DYNC1H1: variants seen among roughly 807,000 people sequenced by gnomAD.
DYNC1H1 encodes the protein cytoplasmic dynein 1 heavy chain 1.
In DYNC1H1, 51 loss-of-function variants were observed where a neutral mutation model predicts 527.1. The observed-to-expected ratio is 0.10, with a 90% CI of 0.08 to 0.12. DYNC1H1 has a LOEUF of 0.12. Ranked by LOEUF, DYNC1H1 falls within the 10% of genes least tolerant of loss-of-function variation. The pLI, the probability that DYNC1H1 is intolerant of heterozygous loss-of-function variation, is 1.00. For missense variants in DYNC1H1, 2,771 were observed against 5,971.8 expected, an observed-to-expected ratio of 0.46 and a Z score of 17.66; for synonymous variants, 2,189 against 2,278.8, an observed-to-expected ratio of 0.96 and a Z score of 1.12.
At position 102,002,451 on chromosome 14, in the gene DYNC1H1, C is replaced by A. The variant is rs74245764; in HGVS notation, c.4543-86C>A. On this transcript the variant is annotated intron_variant, in intron 21 of 77. Transcript: ENST00000360184. This position sits in a 1 kb window ranked among gnomAD's most constrained non-coding sequence, Gnocchi z 4.4. ...TGTGAATCAGATTACTTCATGAGAT[C>A]CTGATCTGCGCTTTTTCAGTGAGTT... 3.3e-4 allele frequency: 506 copies of A among 1,546,930 alleles called. 6 individuals carry two copies. In the East Asian group the frequency reaches 0.011, roughly 33 times the overall value.
At position 102,033,069 on chromosome 14, in the gene DYNC1H1, G is replaced by A. The variant is rs113879661; in HGVS notation, c.10084G>A (p.Ala3362Thr). The change falls in exon 53 of 78, where the codon GCC (alanine) becomes ACC (threonine). Residue 3362 changes from alanine to threonine, a missense_variant. Coordinates refer to ENST00000360184, the MANE Select transcript of DYNC1H1 (RefSeq NM_001376.5). The surrounding 1 kb of genome is among the most constrained non-coding windows in gnomAD (Gnocchi z 5.6). ...AATATCATTCGTCTTTTACAGTGAC[G>A]CCATAAGGGAGAAGATGAAGAAAAA... is the stretch of plus-strand genomic sequence containing the variant. ...VNFSAEEISDAIREKMKKNYM... is the reference protein window; with the variant it reads ...VNFSAEEISDTIREKMKKNYM... 8.7e-6 allele frequency: 14 copies of A among 1,613,484 alleles called. No homozygotes were observed. The highest frequency in any genetic ancestry group is 2.2e-5 in the East Asian group (1 of 44,866).
chr14:102,032,933 G>C, intron 52 of DYNC1H1, 132 bp from the exon 53 acceptor site: 1 of 901,268 alleles, frequency 1.1e-6, no homozygotes, highest in Non-Finnish European at 1.8e-6. Context: ...GGTCAGTCTA[G>C]CTCATCCCCA....
rs886306032 is a variant in DYNC1H1 at position 102,015,469 on chromosome 14, G to A, written c.7242+137G>A. The stretch of plus-strand genomic sequence containing the variant: ...CCTGCCTTGGCCTCTCAAAGTGCTG[G>A]GATTACAGGCATGAGTCACTGTACC... On this transcript the variant is annotated intron_variant, in intron 35 of 77. Transcript: ENST00000360184. The surrounding 1 kb of genome is among the most constrained non-coding windows in gnomAD (Gnocchi z 6.9). 4.3e-5 allele frequency: 45 copies of A among 1,035,692 alleles called. No individual in the cohort carries two copies. The highest frequency in any genetic ancestry group is 1.1e-4 in the Admixed American group (4 of 38,024). The allele number at this position is 1,035,692 out of a possible 1,614,324, so 64.2% of individuals were successfully genotyped here. A position where few individuals can be genotyped will look rare whatever the true frequency, so the allele number is the denominator to read the frequency against.
intron 4 of DYNC1H1, 152 bp downstream of exon 4, chr14:101,980,126 C>T (rs2047846554): frequency 2.3e-6 from 3 of 1,318,588 alleles, no homozygotes; most frequent in Non-Finnish European, 3.2e-6. Context: ...CAGGACTAGC[C>T]TTGGTCTGGG....
At chr14:102,022,635 G>T in intron 42 of DYNC1H1, 116 bp from the exon 43 acceptor site, 1 of 1,447,344 alleles carries the variant, frequency 6.9e-7, no homozygotes, top group South Asian at 1.2e-5. Context: ...GAAGATGTGT[G>T]ATAAAGACTG....
chr14:102,006,269 C>A, intron 27 of DYNC1H1, 99 bp downstream of exon 27: 3 of 1,547,350 alleles, frequency 1.9e-6, no homozygotes, highest in Non-Finnish European at 1.7e-6. Context: ...GATGGAGTGT[C>A]TGTCGCCCAG....
Position 102,048,684 on chromosome 14 carries a change from G to A in DYNC1H1, c.13372+15G>A, listed in dbSNP as rs200190286. The A allele has an allele frequency of 1.3e-5, 21 of 1,611,774 alleles. No homozygotes were observed. The highest frequency in any genetic ancestry group is 4.3e-4 in the Middle Eastern group (2 of 4,656). ...GCTAGTGAAAGGTGCGTGAGAGGCC[G>A]AACTCGTGGTGTGGCTTCCGGCGGG... On this transcript the variant is annotated intron_variant, in intron 74 of 77. Coordinates refer to ENST00000360184, the MANE Select transcript of DYNC1H1 (RefSeq NM_001376.5).
rs772070566 is a variant in DYNC1H1, at chr14:101,964,852, C to A, written c.161C>A (p.Ala54Glu). ...GGCGAGGCGCCGGCCGCGCTGGAGG[C>A]GGCGCTGGAGGAGAAGAGCGCCCTG... is the stretch of plus-strand genomic sequence containing the variant. ...DGGEAPAALE[A>E]ALEEKSALEQ... Residue 54 changes from alanine to glutamate, a missense_variant, in exon 1 of 78, where the codon GCG (alanine) becomes GAG (glutamate). Around this residue, in one of 32 missense-constraint regions of DYNC1H1, gnomAD observed 101 missense variants for 105.3 expected, o/e 0.96. Coordinates refer to ENST00000360184, the MANE Select transcript of DYNC1H1 (RefSeq NM_001376.5). The surrounding 1 kb of genome is among the most constrained non-coding windows in gnomAD (Gnocchi z 5.5). 3.1e-6 allele frequency: 5 copies of A among 1,598,162 alleles called. No homozygotes were observed. The highest frequency in any genetic ancestry group is 2.2e-5 in the South Asian group (2 of 89,314).
At position 102,042,979 on chromosome 14, in the gene DYNC1H1, G is replaced by T. The variant is rs1206629613; in HGVS notation, c.12513+231G>T. Reference sequence around the variant, plus strand: ...AGGTGGGAGGATCACTTGAGCCCAGGAGTTCAAGACTGTCTGGGCAGGCCA... The same window carrying T: ...AGGTGGGAGGATCACTTGAGCCCAGTAGTTCAAGACTGTCTGGGCAGGCCA... On this transcript the variant is annotated intron_variant, in intron 69 of 77. Transcript: ENST00000360184. This position sits in a 1 kb window ranked among gnomAD's most constrained non-coding sequence, Gnocchi z 5.7. 3.5e-6 allele frequency: 2 copies of T among 576,148 alleles called. No individual in the cohort carries two copies. Among genetic ancestry groups the T allele is most frequent in the South Asian group, 1.8e-5 (1 of 55,410 alleles). The allele number at this position is 576,148 out of a possible 1,614,324, so 35.7% of individuals were successfully genotyped here.
rs1414494274 is a variant in DYNC1H1 at position 102,012,812 on chromosome 14, G to T, written c.7014+342G>T. 1.3e-5 allele frequency: 5 copies of T among 371,878 alleles called. No individual in the cohort carries two copies. The highest frequency in any genetic ancestry group is 2.6e-5 in the Non-Finnish European group (5 of 194,956). The allele number at this position is 371,878 out of a possible 1,614,324, so 23.0% of individuals were successfully genotyped here. On this transcript the variant is annotated intron_variant, in intron 34 of 77. Coordinates refer to ENST00000360184, the MANE Select transcript of DYNC1H1 (RefSeq NM_001376.5). The surrounding 1 kb of genome is among the most constrained non-coding windows in gnomAD (Gnocchi z 4.9). Reference sequence around the variant, plus strand: ...CTGGGAAAATGAGAAATTTGGAATGGGGCTTTCTAGGCTGTCCCTTGGAAA... The same window carrying T: ...CTGGGAAAATGAGAAATTTGGAATGTGGCTTTCTAGGCTGTCCCTTGGAAA...
chr14:101,974,181 C>A (rs1346425051), intron 1 of DYNC1H1, among the ~76,000 whole-genome samples: 1 of 152,192 alleles, frequency 6.6e-6, no homozygotes, highest in African/African-American at 2.4e-5. Context: ...CTCACCACAA[C>A]CTCCGCCTCC....
chr14:102,011,791 A>G lies in DYNC1H1; in HGVS notation c.6619-84A>G. 7.0e-7 allele frequency: 1 copy of G among 1,426,598 alleles called. No individual in the cohort carries two copies. Among genetic ancestry groups the G allele is most frequent in the East Asian group, 2.3e-5 (1 of 43,978 alleles). The allele number at this position is 1,426,598 out of a possible 1,614,324, so 88.4% of individuals were successfully genotyped here. ...AATCCACACATAATGTTTCTTGCTC[A>G]CTTTCACAAGAGGTGGCTGGGCGAG... On this transcript the variant is annotated intron_variant, in intron 32 of 77. Coordinates refer to ENST00000360184, the MANE Select transcript of DYNC1H1 (RefSeq NM_001376.5). This position sits in a 1 kb window ranked among gnomAD's most constrained non-coding sequence, Gnocchi z 5.3.
chr14:102,044,273 G>T lies in DYNC1H1; in HGVS notation c.12685-1G>T. On this transcript the variant is annotated splice_acceptor_variant, in intron 70 of 77. Transcript: ENST00000360184. LOFTEE classifies it high-confidence loss of function. The surrounding 1 kb of genome is among the most constrained non-coding windows in gnomAD (Gnocchi z 7.1). Reference sequence around the variant, plus strand: ...CACGAACCCTGCTTTTCCTCCCCCAGGGCAGGCAGAACATCTCACCGGATA... The same window carrying T: ...CACGAACCCTGCTTTTCCTCCCCCATGGCAGGCAGAACATCTCACCGGATA... The T allele has an allele frequency of 1.9e-6, 3 of 1,613,950 alleles. No homozygotes were observed. The highest frequency in any genetic ancestry group is 2.2e-5 in the South Asian group (2 of 91,060).
At chr14:102,004,406 T>G in intron 23 of DYNC1H1, 112 bp from the exon 24 acceptor site, 1 of 1,257,476 alleles carries the variant, frequency 8.0e-7, no homozygotes, top group Non-Finnish European at 1.1e-6. Context: ...GGGCTGGAGA[T>G]TGCCACCACC....
rs1295518733 is a variant in DYNC1H1, at chr14:102,027,903, C to T, written c.9264-34C>T. The T allele has an allele frequency of 6.2e-7, 1 of 1,614,192 alleles. No homozygotes were observed. Among genetic ancestry groups the T allele is most frequent in the Admixed American group, 1.7e-5 (1 of 60,030 alleles). ...CTTCCAAGGGACAAAGCCTGCCCCTCATAGCTGTCCTGAAACATGGGCCTC... is the reference window on the plus strand; with the variant it reads ...CTTCCAAGGGACAAAGCCTGCCCCTTATAGCTGTCCTGAAACATGGGCCTC... On this transcript the variant is annotated intron_variant, in intron 47 of 77. Transcript: ENST00000360184. The surrounding 1 kb of genome is among the most constrained non-coding windows in gnomAD (Gnocchi z 7.7).
Position 101,997,142 on chromosome 14 carries a change from C to A in DYNC1H1, c.3672C>A (p.Ile1224=). The A allele has an allele frequency of 1.2e-6, 2 of 1,614,162 alleles. No individual in the cohort carries two copies. The highest frequency in any genetic ancestry group is 1.7e-6 in the Non-Finnish European group (2 of 1,180,038). ...IEGEWGAFND[I]MRRKDSAIQQ... Reference sequence around the variant, plus strand: ...GAGAGTGGGGAGCCTTCAATGACATCATGCGGCGAAAGGACTCTGCCATTC... The same window carrying A: ...GAGAGTGGGGAGCCTTCAATGACATAATGCGGCGAAAGGACTCTGCCATTC... The change falls in exon 16 of 78, where the codon ATC becomes ATA. Residue 1224 remains isoleucine, a synonymous_variant. Transcript: ENST00000360184. This position sits in a 1 kb window ranked among gnomAD's most constrained non-coding sequence, Gnocchi z 4.8.
chr14:102,047,747 C>T, intron 72 of DYNC1H1, 70 bp from the exon 73 acceptor site: 1 of 1,595,432 alleles, frequency 6.3e-7, no homozygotes, highest in South Asian at 1.1e-5. Flanking sequence ...CGTTCAAGTC[C>T]CTTTTCCCTC....
intron 72 of DYNC1H1, among the ~76,000 whole-genome samples, chr14:102,046,464 G>A (rs1052398922): frequency 1.3e-5 from 2 of 149,812 alleles, no homozygotes; most frequent in Non-Finnish European, 3.0e-5. Flanking sequence ...AAAGCCAGGC[G>A]AGCTGGGCGG....
rs2048492248 is a variant in DYNC1H1 at position 102,029,986 on chromosome 14, C to T, written c.9762+48C>T. The T allele has an allele frequency of 6.2e-7, 1 of 1,613,422 alleles. No individual in the cohort carries two copies. The highest frequency in any genetic ancestry group is 1.3e-5 in the African/African-American group (1 of 74,790). On this transcript the variant is annotated intron_variant, in intron 50 of 77. Transcript: ENST00000360184. This position sits in a 1 kb window ranked among gnomAD's most constrained non-coding sequence, Gnocchi z 5.3. ...CCTGTAAGGACTGAGCATTTTCAGT[C>T]TCCAATGAGAGAGTAGGAAATGTAG...
Sources: gnomAD v4.1 joint callset for allele counts (sites outside exome capture counted in the v4.1 genomes callset) on GRCh38, gnomAD v4.1.1 for gene constraint, gnomAD v4.1.1 regional missense constraint, Gnocchi (gnomAD v3.1) non-coding constraint, MANE v1.5 for transcripts, NCBI Gene and HGNC (gene_info 2026-07-23, HGNC 2026-07-21) for gene names.